The following MROH9 variants were observed in gnomAD, a reference collection of about 807,000 sequenced individuals.
MROH9 encodes the protein maestro heat-like repeat-containing protein family member 9.
MROH9 carries 92 observed loss-of-function variants against 98.2 expected under a neutral mutation model. The ratio of observed to expected loss-of-function variants is 0.94; its 90% CI spans 0.79 to 1.11. The LOEUF is 1.11. MROH9 is among the 50% of genes most tolerant of loss of function. The pLI is 0.00. For missense variants in MROH9, 1,057 were observed against 1,014.8 expected, an observed-to-expected ratio of 1.04 and a Z score of -0.57; for synonymous variants, 397 against 368.9, an observed-to-expected ratio of 1.08 and a Z score of -0.87.
At chr1:170,966,778 A>G (rs1189552118) in intron 7 of MROH9, among the ~76,000 whole-genome samples, 1 of 152,074 alleles carries the variant, frequency 6.6e-6, no homozygotes, top group Non-Finnish European at 1.5e-5. Context: ...GCCTTTCTCT[A>G]ACTTCTAAAA....
At chr1:171,057,595 C>T (rs1653884631) in intron 20 of MROH9, among the ~76,000 whole-genome samples, 1 of 152,062 alleles carries the variant, frequency 6.6e-6, no homozygotes, top group African/African-American at 2.4e-5. Context: ...GGCCAACATG[C>T]AAATCCAGGA....
intron 20 of MROH9, among the ~76,000 whole-genome samples, chr1:171,036,718 T>C (rs1425924286): frequency 6.6e-6 from 1 of 150,440 alleles, no homozygotes; most frequent in Non-Finnish European, 1.5e-5. Context: ...GGAATTTTAT[T>C]ACAAAAAATA....
At chr1:170,955,995 A>T (rs1316757712) in intron 3 of MROH9, among the ~76,000 whole-genome samples, 2 of 152,126 alleles carry the variant, frequency 1.3e-5, no homozygotes, top group Non-Finnish European at 2.9e-5. Context: ...TTTTTGTATA[A>T]GGTAAGAGAT....
intron 8 of MROH9, among the ~76,000 whole-genome samples, chr1:170,972,811 CAAAAAA>C (rs141109310): frequency 8.9e-6 from 1 of 112,940 alleles, no homozygotes; most frequent in African/African-American, 3.4e-5. Context: ...GACTCCGCCT[CAAAAAA>C]AAAAAAAAAA....
intron 15 of MROH9, among the ~76,000 whole-genome samples, chr1:170,999,613 T>C (rs998105812): frequency 6.6e-6 from 1 of 152,194 alleles, no homozygotes; most frequent in African/African-American, 2.4e-5. Flanking sequence ...GATTTTCAAA[T>C]TGGGAATTGT....
In MROH9 at chr1:170,940,763, CCT is replaced by C. The variant is rs577400662; in HGVS notation, c.-37-4756_-37-4755del. Among the ~76,000 whole-genome samples the C allele has an allele frequency of 2.9e-4, 44 of 152,250 alleles. No individual in the cohort carries two copies. In the South Asian group the frequency reaches 4.1e-3, roughly 14 times the overall value. On this transcript the variant is annotated intron_variant, in intron 1 of 21. Coordinates refer to ENST00000367759, the MANE Select transcript of MROH9 (RefSeq NM_001163629.2). ...TGGGGATGTGGTACAAATGACAACC[CCT>C]GATTCATTTAAGTCCTTGATGATGG... is the stretch of plus-strand genomic sequence containing the variant.
intron 10 of MROH9, among the ~76,000 whole-genome samples, chr1:170,989,138 ATC>A (rs1419352029): frequency 6.6e-6 from 1 of 152,178 alleles, no homozygotes; most frequent in African/African-American, 2.4e-5. Flanking sequence ...TCAGCTTATA[ATC>A]TCTGTTAGTC....
intron 17 of MROH9, among the ~76,000 whole-genome samples, chr1:171,019,660 A>C (rs1412590091): frequency 1.3e-5 from 2 of 152,108 alleles, no homozygotes; most frequent in Admixed American, 6.5e-5. Flanking sequence ...AAAAAAAAAA[A>C]ATGCTAGAAA....
At chr1:170,947,345 T>G (rs778911899) in intron 2 of MROH9, among the ~76,000 whole-genome samples, 182 bp from the exon 3 acceptor site, 2 of 151,966 alleles carry the variant, frequency 1.3e-5, no homozygotes, top group African/African-American at 4.8e-5. Context: ...CTAATCTTTT[T>G]GTTAAGTGTT....
chr1:170,943,400 G>A (rs911668276), intron 1 of MROH9, among the ~76,000 whole-genome samples: 28 of 151,880 alleles, frequency 1.8e-4, no homozygotes, highest in Admixed American at 1.0e-3. Context: ...CTTTAGAAAT[G>A]AGATAAAATA....
intron 20 of MROH9, among the ~76,000 whole-genome samples, chr1:171,032,973 G>A (rs1418860373): frequency 1.3e-5 from 2 of 152,206 alleles, no homozygotes; most frequent in South Asian, 2.1e-4. Context: ...CCCCTGGCTG[G>A]AGTTATTGGA....
intron 10 of MROH9, among the ~76,000 whole-genome samples, chr1:170,987,243 CATA>C (rs1403786176): frequency 2.0e-5 from 3 of 152,168 alleles, no homozygotes; most frequent in Non-Finnish European, 4.4e-5. Flanking sequence ...CATATTAAAT[CATA>C]ATATTTTGCC....
At chr1:171,041,080 C>T (rs917092497) in intron 20 of MROH9, among the ~76,000 whole-genome samples, 11 of 151,730 alleles carry the variant, frequency 7.2e-5, no homozygotes, top group African/African-American at 2.7e-4. Context: ...TACCTATTAC[C>T]CAAACAATGT....
Position 170,989,836 on chromosome 1 carries a change from T to C in MROH9, c.880-19T>C. The C allele has an allele frequency of 1.3e-6, 2 of 1,583,852 alleles. No homozygotes were observed. The highest frequency in any genetic ancestry group is 1.7e-6 in the Non-Finnish European group (2 of 1,157,356). ...ATGGAACAGGAGATTCTTGTTTACCTGTGGAATTTCTCTTCCAGGTGTCTA... is the reference window on the plus strand; with the variant it reads ...ATGGAACAGGAGATTCTTGTTTACCCGTGGAATTTCTCTTCCAGGTGTCTA... On this transcript the variant is annotated intron_variant, in intron 10 of 21. Transcript: ENST00000367759.
intron 2 of MROH9, among the ~76,000 whole-genome samples, chr1:170,946,472 T>C (rs538834638): frequency 6.6e-6 from 1 of 151,932 alleles, no homozygotes; most frequent in Non-Finnish European, 1.5e-5. Flanking sequence ...GAAAAGGATA[T>C]TAGTGGAAAA....
chr1:171,008,740 T>C (rs866104468), intron 15 of MROH9, among the ~76,000 whole-genome samples: 3 of 152,166 alleles, frequency 2.0e-5, no homozygotes. Context: ...GCATTCCAGC[T>C]TGGGCAACAT....
At chr1:170,957,006 G>T (rs1649788511) in intron 3 of MROH9, among the ~76,000 whole-genome samples, 1 of 127,082 alleles carries the variant, frequency 7.9e-6, no homozygotes, top group South Asian at 3.1e-4. Context: ...ATTTGTAATT[G>T]GATTATCTGC....
chr1:170,986,474 T>C lies in MROH9; in HGVS notation c.730-87T>C. 9 of 1,445,116 alleles carry C rather than the reference T, an allele frequency of 6.2e-6. 1 individual carries two copies. The highest frequency in any genetic ancestry group is 2.8e-5 in the South Asian group (2 of 70,668). The allele number at this position is 1,445,116 out of a possible 1,614,324, so 89.5% of individuals were successfully genotyped here. On this transcript the variant is annotated intron_variant, in intron 9 of 21. Transcript: ENST00000367759. The stretch of plus-strand genomic sequence containing the variant: ...GAAGACTTGTGGCCCTGCTTGGCTC[T>C]TGAGCATCCCCCACCATGTCTGAGT...
intron 1 of MROH9, among the ~76,000 whole-genome samples, chr1:170,945,138 T>C (rs1054837707): frequency 6.6e-6 from 1 of 151,770 alleles, no homozygotes; most frequent in Admixed American, 6.6e-5. Context: ...AGATGCTGAG[T>C]ATTGTCCTCA....
Sources: allele counts gnomAD v4.1 joint callset (sites outside exome capture counted in the v4.1 genomes callset), GRCh38; gene constraint gnomAD v4.1.1; transcripts MANE v1.5; gene names NCBI Gene and HGNC (gene_info 2026-07-23, HGNC 2026-07-21).